Variants in POLB observed in about 807,000 individuals in gnomAD.
The protein encoded by POLB is 5'-dRP lyase.
A neutral mutation model predicts 52.7 loss-of-function variants in POLB; 37 were observed. The ratio of observed to expected loss-of-function variants is 0.70; its 90% confidence interval spans 0.54 to 0.92. The LOEUF (loss-of-function observed/expected upper bound fraction) is 0.92. Ranked by LOEUF, POLB falls within the 40% of genes least tolerant of loss-of-function variation. The probability of loss-of-function intolerance (pLI) is 0.00; values close to 1 mark genes in which losing one functional copy is unlikely to be tolerated. For synonymous variants in POLB, 138 were observed against 131.3 expected (o/e 1.05, Z -0.35); for missense variants, 313 against 400.8 (o/e 0.78, Z 1.87).
At chr8:42,345,057 G>A (rs747868852) in intron 3 of POLB, 38 bp downstream of exon 3, 5 of 1,457,606 alleles carry the variant, frequency 3.4e-6, no homozygotes, top group Admixed American at 1.7e-5. Context: ...GAGTTCACAC[G>A]TGTCCAAATT....
intron 1 of POLB, 111 bp downstream of exon 1, chr8:42,338,796 C>A: frequency 8.5e-7 from 1 of 1,176,710 alleles, no homozygotes. Context: ...TTCCTTGCAG[C>A]GGGTCGTCTT....
At chr8:42,342,924 C>T (rs1822301915) in intron 2 of POLB, among the ~76,000 whole-genome samples, 1 of 152,138 alleles carries the variant, frequency 6.6e-6, no homozygotes, top group Non-Finnish European at 1.5e-5. Flanking sequence ...TGTGGTGGCT[C>T]ATGCCTGTAA....
chr8:42,369,943 G>A lies in POLB; in HGVS notation c.868G>A (p.Gly290Ser). 1 of 1,610,266 alleles carries A rather than the reference G, an allele frequency of 6.2e-7. No homozygotes were observed. ...KNMRAHALEK[G>S]FTINEYTIRP... ...TATGAGGGCTCATGCCCTAGAAAAG[G>A]GTTTCACAATCAATGAGTACACCAT... Residue 290 changes from glycine to serine, a missense_variant, in exon 13 of 14, where the codon GGT (glycine) becomes AGT (serine). Gly to Ser is a moderately conservative substitution (Grantham distance 56, BLOSUM62 0). Coordinates refer to ENST00000265421, the MANE Select transcript of POLB (RefSeq NM_002690.3).
rs1823774609 is a variant in POLB at position 42,362,659 on chromosome 8, T to G, written c.669T>G (p.Phe223Leu). 7 of 1,610,586 alleles carry G rather than the reference T, an allele frequency of 4.3e-6. No individual in the cohort carries two copies. Among genetic ancestry groups the G allele is most frequent in the African/African-American group, 1.3e-5 (1 of 74,972 alleles). The stretch of plus-strand genomic sequence containing the variant: ...TGGAGCAGTTACAAAAGGTTCATTT[T>G]ATCACAGATACCCTGTCAAAGGGTG... ...QVVEQLQKVH[F>L]ITDTLSKGET... Residue 223 changes from phenylalanine to leucine, a missense_variant, in exon 11 of 14, where the codon TTT (phenylalanine) becomes TTG (leucine). This residue lies in a region of POLB where 246 missense variants were observed against 297.6 expected (regional missense o/e 0.83). Coordinates refer to ENST00000265421, the MANE Select transcript of POLB (RefSeq NM_002690.3).
chr8:42,356,834 A>G (rs760014239), intron 7 of POLB, among the ~76,000 whole-genome samples: 2 of 152,226 alleles, frequency 1.3e-5, no homozygotes, highest in Non-Finnish European at 2.9e-5. Flanking sequence ...TTGTCAGTAG[A>G]CAGCAGTTTA....
At chr8:42,355,837 G>T (rs996097062) in intron 7 of POLB, among the ~76,000 whole-genome samples, 1 of 152,214 alleles carries the variant, frequency 6.6e-6, no homozygotes, top group African/African-American at 2.4e-5. Context: ...AGGACTGAGT[G>T]TATCAGGCAG....
In POLB at chr8:42,362,627, C is replaced by CA; in HGVS notation, c.638dup (p.Val214GlyfsTer19). ...GATTCTACAGCCAAAACTGTTACAT[C>CA]AGGTTGTGGAGCAGTTACAAAAGGT... On this transcript the variant is annotated frameshift_variant, in exon 11 of 14. Coordinates refer to ENST00000265421, the MANE Select transcript of POLB (RefSeq NM_002690.3). LOFTEE classifies it high-confidence loss of function. The CA allele has an allele frequency of 1.2e-6, 2 of 1,605,192 alleles. No homozygotes were observed. The highest frequency in any genetic ancestry group is 1.7e-6 in the Non-Finnish European group (2 of 1,172,136).
chr8:42,344,121 C>A (rs1251175933), intron 2 of POLB, among the ~76,000 whole-genome samples: 1 of 99,824 alleles, frequency 1.0e-5, no homozygotes, highest in African/African-American at 4.0e-5. Context: ...ACAGACTGGG[C>A]GAGACTCCGT....
At chr8:42,370,277 T>G in intron 13 of POLB, 1 of 476,906 alleles carries the variant, frequency 2.1e-6, no homozygotes, top group Non-Finnish European at 3.9e-6. Flanking sequence ...TTTTTTTTTT[T>G]TTTTTTTGCT....
chr8:42,352,851 G>A (rs1245757788), intron 6 of POLB, among the ~76,000 whole-genome samples: 1 of 152,036 alleles, frequency 6.6e-6, no homozygotes, highest in African/African-American at 2.4e-5. Context: ...GAGGCGGGTG[G>A]ATCACTTGAG....
chr8:42,339,307 A>G (rs2130763214), intron 2 of POLB: 1 of 524,244 alleles, frequency 1.9e-6, no homozygotes, highest in South Asian at 2.4e-5. Context: ...GTATTTTGTC[A>G]TCATCAAACA....
chr8:42,349,449 C>T (rs560047682), intron 4 of POLB, among the ~76,000 whole-genome samples: 12 of 152,204 alleles, frequency 7.9e-5, no homozygotes, highest in African/African-American at 2.9e-4. Context: ...AGTGCAGTGG[C>T]GCGATCTCGG....
Position 42,352,560 on chromosome 8 carries a change from C to T in POLB, c.362C>T (p.Thr121Ile). 1 of 1,584,254 alleles carries T rather than the reference C, an allele frequency of 6.3e-7. No homozygotes were observed. Among genetic ancestry groups the T allele is most frequent in the Non-Finnish European group, 8.7e-7 (1 of 1,152,888 alleles). The change falls in exon 6 of 14, where the codon ACA (threonine) becomes ATA (isoleucine). Residue 121 changes from threonine (T) to isoleucine (I), a missense_variant. Thr to Ile is a moderately conservative substitution (Grantham distance 89). Around this residue, in one of 3 missense-constraint regions of POLB, gnomAD observed 246 missense variants for 297.6 expected, o/e 0.83. Transcript: ENST00000265421. ...AAGTTTGTAGATGAAGGAATTAAAA[C>T]ACTAGAAGGTGAGTATGACTGTAGG... is the stretch of plus-strand genomic sequence containing the variant. Reference protein sequence around the residue: ...ARKFVDEGIKTLEDLRKNEDK... With the variant: ...ARKFVDEGIKILEDLRKNEDK...
At chr8:42,371,487 G>A (rs764199020) in intron 13 of POLB, 76 bp from the exon 14 acceptor site, 2 of 680,720 alleles carry the variant, frequency 2.9e-6, no homozygotes, top group Non-Finnish European at 4.9e-6. Context: ...GTCCCACACA[G>A]CTCTTAATCT....
intron 9 of POLB, 143 bp from the exon 10 acceptor site, chr8:42,361,152 A>C (rs530559746): frequency 1.4e-6 from 1 of 711,924 alleles, no homozygotes; most frequent in Admixed American, 2.0e-5. Flanking sequence ...GAAATCTTTT[A>C]ACTAATTCTA....
At chr8:42,356,669 T>C (rs1296191241) in intron 7 of POLB, among the ~76,000 whole-genome samples, 5 of 152,082 alleles carry the variant, frequency 3.3e-5, no homozygotes, top group African/African-American at 1.2e-4. Context: ...ATTTGCCTAT[T>C]CTGGACACTT....
Position 42,362,640 on chromosome 8 carries a change from A to G in POLB, c.650A>G (p.Gln217Arg). The G allele has an allele frequency of 2.5e-6, 4 of 1,610,418 alleles. No homozygotes were observed. The highest frequency in any genetic ancestry group is 2.5e-6 in the Non-Finnish European group (3 of 1,176,748). ...AAACTGTTACATCAGGTTGTGGAGCAGTTACAAAAGGTTCATTTTATCACA... is the reference window on the plus strand; with the variant it reads ...AAACTGTTACATCAGGTTGTGGAGCGGTTACAAAAGGTTCATTTTATCACA... ...QPKLLHQVVE[Q>R]LQKVHFITDT... is the part of the protein sequence containing the mutation. The change falls in exon 11 of 14, where the codon CAG becomes CGG. Residue 217 changes from glutamine (Q) to arginine (R), a missense_variant. Gln to Arg is a conservative substitution (Grantham distance 43, BLOSUM62 1). This residue lies in a region of POLB where 246 missense variants were observed against 297.6 expected (regional missense o/e 0.83). Coordinates refer to ENST00000265421, the MANE Select transcript of POLB (RefSeq NM_002690.3).
chr8:42,370,259 G>GTTTTTTT (rs34271342), intron 13 of POLB: 29 of 290,538 alleles, frequency 1.0e-4, no homozygotes, highest in Admixed American at 1.7e-4. Flanking sequence ...ATCTAAAAGG[G>GTTTTTTT]TTTTTTTTTT....
At chr8:42,345,513 G>A (rs1822555673) in intron 3 of POLB, among the ~76,000 whole-genome samples, 1 of 152,130 alleles carries the variant, frequency 6.6e-6, no homozygotes, top group South Asian at 2.1e-4. Context: ...CTTGTGTACT[G>A]TGTCACAGTT....
Sources: gnomAD v4.1 joint callset for allele counts (sites outside exome capture counted in the v4.1 genomes callset) on GRCh38, gnomAD v4.1.1 for gene constraint, gnomAD v4.1.1 regional missense constraint, MANE v1.5 for transcripts, NCBI Gene and HGNC (gene_info 2026-07-23, HGNC 2026-07-21) for gene names.